Variants in CDK13 observed in about 807,000 individuals in gnomAD.
CDK13 encodes cyclin dependent kinase 13, also known as cyclin-dependent kinase 13.
A neutral mutation model predicts 137.6 loss-of-function variants in CDK13; 40 were observed. The ratio of observed to expected loss-of-function variants is 0.29; its 90% CI spans 0.23 to 0.38. The LOEUF (loss-of-function observed/expected upper bound fraction) is 0.38, where lower values mean the gene tolerates loss of function less well. Among genes scored for constraint, CDK13 ranks in the 10% least tolerant of loss-of-function variants. The pLI is 1.00. For synonymous variants in CDK13, 869 were observed against 760.1 expected (o/e 1.14, Z -2.36); for missense variants, 1,704 against 1,951.8 (o/e 0.87, Z 2.39).
At chr7:39,992,666 T>TC (rs890157185) in intron 2 of CDK13, among the ~76,000 whole-genome samples, 4 of 150,964 alleles carry the variant, frequency 2.6e-5, no homozygotes, top group South Asian at 2.1e-4. Flanking sequence ...TAATCAGTAC[T>TC]CCCCCCCTAC....
At chr7:40,012,041 CTTAGTTA>C (rs1399919197) in intron 5 of CDK13, among the ~76,000 whole-genome samples, 1 of 152,088 alleles carries the variant, frequency 6.6e-6, no homozygotes, top group Non-Finnish European at 1.5e-5. Flanking sequence ...TGTTCAACAA[CTTAGTTA>C]TTAGGGAAGT....
At chr7:40,007,634 G>A (rs1439014999) in intron 5 of CDK13, among the ~76,000 whole-genome samples, 2 of 151,994 alleles carry the variant, frequency 1.3e-5, no homozygotes, top group Admixed American at 6.6e-5. Context: ...CACCATGTTG[G>A]CCAGCCTGGT....
At position 40,094,796 on chromosome 7, in the gene CDK13, C is replaced by T. The variant is rs1436577202; in HGVS notation, c.4355C>T (p.Pro1452Leu). The T allele has an allele frequency of 6.3e-7, 1 of 1,596,060 alleles. No homozygotes were observed. The highest frequency in any genetic ancestry group is 1.8e-5 in the Admixed American group (1 of 56,472). ...TCCACGGGGCCAGAGAGTACTCATCCTTTGCCAGCAAAGATGCACAACTAT... is the reference window on the plus strand; with the variant it reads ...TCCACGGGGCCAGAGAGTACTCATCTTTTGCCAGCAAAGATGCACAACTAT... The part of the protein sequence containing the change: ...DPSTGPESTH[P>L]LPAKMHNYNY... Residue 1452 changes from proline (P) to leucine (L), a missense_variant, in exon 14 of 14, where the codon CCT becomes CTT. Coordinates refer to ENST00000181839, the MANE Select transcript of CDK13 (RefSeq NM_003718.5).
intron 5 of CDK13, among the ~76,000 whole-genome samples, chr7:40,019,969 G>GT (rs894561255): frequency 6.6e-6 from 1 of 152,106 alleles, no homozygotes; most frequent in South Asian, 2.1e-4. Context: ...CTTTCATGAA[G>GT]TTTTTTTGTT....
chr7:40,078,504 G>T, intron 10 of CDK13: 3 of 278,646 alleles, frequency 1.1e-5, no homozygotes, highest in Non-Finnish European at 2.0e-5. Context: ...TTAGAAAGTG[G>T]TTACAAAAAT....
intron 1 of CDK13, among the ~76,000 whole-genome samples, chr7:39,970,171 A>C (rs1783966054): frequency 6.6e-6 from 1 of 151,644 alleles, no homozygotes; most frequent in African/African-American, 2.4e-5. Flanking sequence ...CGCCCAGCTA[A>C]ATTTTGTATT....
intron 4 of CDK13, among the ~76,000 whole-genome samples, chr7:40,001,402 A>C (rs1784682167): frequency 6.6e-6 from 1 of 151,876 alleles, no homozygotes; most frequent in African/African-American, 2.4e-5. Context: ...TTTTTAGTAG[A>C]GTTGGGGTTT....
rs192369700 is a variant in CDK13, at chr7:40,048,755, T to C, written c.2600+878T>C. ...AAAGCAATAAACAAAAACTCTCGTTTGAATTTTTCAGAGTAAAAAGTCTTA... is the reference window on the plus strand; with the variant it reads ...AAAGCAATAAACAAAAACTCTCGTTCGAATTTTTCAGAGTAAAAAGTCTTA... On this transcript the variant is annotated intron_variant, in intron 7 of 13. Coordinates refer to ENST00000181839, the MANE Select transcript of CDK13 (RefSeq NM_003718.5). 5.1e-4 allele frequency: 78 copies of C among 151,714 alleles called. 4 individuals are homozygous for C. The highest frequency in any genetic ancestry group is 1.9e-3 in the African/African-American group (76 of 41,002). The allele number at this position is 151,714 out of a possible 1,614,324, so 9.4% of individuals were successfully genotyped here. A position where few individuals can be genotyped will look rare whatever the true frequency, so the allele number is the denominator to read the frequency against.
chr7:40,075,317 C>T (rs936720652), intron 9 of CDK13, among the ~76,000 whole-genome samples: 9 of 152,146 alleles, frequency 5.9e-5, no homozygotes, highest in Non-Finnish European at 7.4e-5. Flanking sequence ...TTATCAGTTG[C>T]TGTCATGTCT....
intron 2 of CDK13, 55 bp downstream of exon 2, chr7:39,988,313 A>G (rs566165913): frequency 2.7e-5 from 38 of 1,409,808 alleles, no homozygotes; most frequent in Middle Eastern, 1.8e-4. Context: ...GTAAGTCTGA[A>G]GTGAGAAATG....
At chr7:39,992,670 C>G (rs1194061467) in intron 2 of CDK13, among the ~76,000 whole-genome samples, 1 of 151,630 alleles carries the variant, frequency 6.6e-6, no homozygotes. Context: ...CAGTACTCCC[C>G]CCCTACCCCC....
intron 3 of CDK13, chr7:39,998,160 C>G (rs947567805): frequency 6.6e-6 from 1 of 151,800 alleles, no homozygotes; most frequent in African/African-American, 2.4e-5. Flanking sequence ...GACCTCTTTC[C>G]CTTAAAACCT....
chr7:40,094,224 T>C lies in CDK13; in HGVS notation c.3783T>C (p.Pro1261=). 1 of 1,613,490 alleles carries C rather than the reference T, an allele frequency of 6.2e-7. No homozygotes were observed. Among genetic ancestry groups the C allele is most frequent in the East Asian group, 2.2e-5 (1 of 44,848 alleles). ...RPRILPPDQR[P]PEPPEPPPVT... is the part of the protein sequence containing the mutation. ...GAATTCTGCCTCCTGACCAACGACCTCCCGAGCCTCCTGAACCACCACCAG... is the reference window on the plus strand; with the variant it reads ...GAATTCTGCCTCCTGACCAACGACCCCCCGAGCCTCCTGAACCACCACCAG... Residue 1261 remains proline (P), a synonymous_variant, in exon 14 of 14, where the codon CCT becomes CCC. Transcript: ENST00000181839.
intron 5 of CDK13, among the ~76,000 whole-genome samples, chr7:40,002,844 C>T (rs1784712808): frequency 6.7e-6 from 1 of 149,262 alleles, no homozygotes; most frequent in Admixed American, 6.7e-5. Flanking sequence ...GTGTGAGGAT[C>T]ACTTGAGCCC....
chr7:40,024,586 GTCTT>G (rs1785200752), intron 5 of CDK13, among the ~76,000 whole-genome samples: 2 of 144,316 alleles, frequency 1.4e-5, no homozygotes, highest in Admixed American at 1.4e-4. Context: ...TTGCTTCATA[GTCTT>G]TCTTAGTGGT....
intron 9 of CDK13, among the ~76,000 whole-genome samples, chr7:40,076,189 GATTA>G (rs1295360225): frequency 6.6e-6 from 1 of 152,108 alleles, no homozygotes; most frequent in Non-Finnish European, 1.5e-5. Context: ...GCCTGGGGTT[GATTA>G]ATTGTGTTTA....
intron 7 of CDK13, among the ~76,000 whole-genome samples, chr7:40,059,546 A>G (rs1427295262): frequency 6.6e-6 from 1 of 152,090 alleles, no homozygotes; most frequent in Non-Finnish European, 1.5e-5. Context: ...TTCGGTAGAG[A>G]TGGAGTTTTA....
chr7:39,950,310 C>G lies in CDK13; in HGVS notation c.-332C>G, dbSNP rs2116041336. 2.7e-6 allele frequency: 3 copies of G among 1,109,972 alleles called. No individual in the cohort carries two copies. Among genetic ancestry groups the G allele is most frequent in the African/African-American group, 1.6e-5 (1 of 61,722 alleles). The allele number at this position is 1,109,972 out of a possible 1,614,324, so 68.8% of individuals were successfully genotyped here. On this transcript the variant is annotated 5_prime_UTR_variant, in exon 1 of 14. Coordinates refer to ENST00000181839, the MANE Select transcript of CDK13 (RefSeq NM_003718.5). The stretch of plus-strand genomic sequence containing the variant: ...GCGCGGCCAAGGCCGCTCCCCCACC[C>G]CCGGGGGCACTTGGAGGACTCGGGA...
chr7:40,086,301 A>C (rs1257144860), intron 11 of CDK13, among the ~76,000 whole-genome samples: 1 of 152,192 alleles, frequency 6.6e-6, no homozygotes, highest in Non-Finnish European at 1.5e-5. Context: ...CCTTTAAAAA[A>C]ATTCCAGGTG....
Sources: gnomAD v4.1 joint callset for allele counts (sites outside exome capture counted in the v4.1 genomes callset) on GRCh38, gnomAD v4.1.1 for gene constraint, MANE v1.5 for transcripts, NCBI Gene and HGNC (gene_info 2026-07-23, HGNC 2026-07-21) for gene names.